Variants in PCTP observed in about 807,000 individuals in gnomAD.
PCTP encodes the protein START domain-containing protein 2.
PCTP carries 27 observed loss-of-function variants against 31.0 expected under a neutral mutation model. The observed-to-expected ratio is 0.87, with a 90% CI of 0.64 to 1.20. The LOEUF is 1.20. Ranked by LOEUF, PCTP falls within the 50% of genes most tolerant of loss-of-function variation. The pLI, the probability that PCTP is intolerant of heterozygous loss-of-function variation, is 0.00. For synonymous variants in PCTP, 108 were observed against 101.2 expected (o/e 1.07, Z -0.40); for missense variants, 287 against 268.2 (o/e 1.07, Z -0.49).
intron 1 of PCTP, 62 bp downstream of exon 1, chr17:55,751,306 A>C (rs1052207863): frequency 4.3e-5 from 66 of 1,517,714 alleles, no homozygotes; most frequent in Non-Finnish European, 5.6e-5. Context: ...ACCTCCCCGC[A>C]GGGAGTGCGG....
At chr17:55,829,917 T>C (rs1905539560) in intron 5 of PCTP, among the ~76,000 whole-genome samples, 1 of 152,210 alleles carries the variant, frequency 6.6e-6, no homozygotes, top group Non-Finnish European at 1.5e-5. Flanking sequence ...TGAAATGAGA[T>C]GTGAAATTGC....
chr17:55,783,761 TAC>T (rs945509090), intron 2 of PCTP, among the ~76,000 whole-genome samples: 31 of 152,302 alleles, frequency 2.0e-4, no homozygotes, highest in African/African-American at 7.5e-4. Flanking sequence ...CGCCCTTCAC[TAC>T]ACAGTTTGGC....
chr17:55,753,907 A>C (rs756556269), intron 1 of PCTP, among the ~76,000 whole-genome samples: 2 of 152,208 alleles, frequency 1.3e-5, no homozygotes, highest in Non-Finnish European at 2.9e-5. Flanking sequence ...TCTTTTTCTA[A>C]TAAAGCTTCC....
downstream of PCTP, among the ~76,000 whole-genome samples, chr17:55,781,293 T>C (rs79557970): frequency 0.027 from 4,141 of 152,356 alleles, 186 homozygotes; most frequent in African/African-American, 0.095. Flanking sequence ...TGCCTCAGGC[T>C]ACTCTTTTTG....
At chr17:55,780,555 A>G (rs879023746), downstream of PCTP, among the ~76,000 whole-genome samples, 1 of 152,230 alleles carries the variant, frequency 6.6e-6, no homozygotes, top group Non-Finnish European at 1.5e-5. Flanking sequence ...GCAGACTGCT[A>G]TAATTCCTGA....
rs146675734 is a variant in PCTP, at chr17:55,784,454, TAAC to T, written c.229-3108_229-3106del. On this transcript the variant is annotated intron_variant, in intron 2 of 3. Transcript: ENST00000572536. Reference sequence around the variant, plus strand: ...TCAACCAATTGCAGTGTAATAATAATAACAACCATAATAATAATAATATCAATG... The same window carrying T: ...TCAACCAATTGCAGTGTAATAATAATAACCATAATAATAATAATATCAATG... Among the ~76,000 whole-genome samples, 854 of 152,162 alleles carry T rather than the reference TAAC, an allele frequency of 5.6e-3. 19 individuals are homozygous for T. Among genetic ancestry groups the T allele is most frequent in the East Asian group, 0.055 (283 of 5,168 alleles).
intron 5 of PCTP, 57 bp from the exon 6 acceptor site, chr17:55,775,978 A>G: frequency 6.3e-7 from 1 of 1,594,356 alleles, no homozygotes; most frequent in Non-Finnish European, 8.5e-7. Flanking sequence ...CACATCCCAA[A>G]GAATCAAGAG....
chr17:55,834,619 C>G (rs148348815), intron 5 of PCTP, among the ~76,000 whole-genome samples: 230 of 152,198 alleles, frequency 1.5e-3, no homozygotes, highest in African/African-American at 4.9e-3. Flanking sequence ...CCTTTGGGAG[C>G]CCCATGCACA....
chr17:55,764,252 C>T (rs1355896743), intron 1 of PCTP, among the ~76,000 whole-genome samples: 1 of 152,148 alleles, frequency 6.6e-6, no homozygotes. Context: ...ATTCTTGTTG[C>T]TTAGAATGTG....
intron 3 of PCTP, among the ~76,000 whole-genome samples, chr17:55,802,177 A>G (rs1567725232): frequency 6.6e-6 from 1 of 152,210 alleles, no homozygotes; most frequent in African/African-American, 2.4e-5. Context: ...AAAATGTTAA[A>G]TCCCTGAATA....
At chr17:55,805,682 A>G (rs1055059410) in intron 3 of PCTP, among the ~76,000 whole-genome samples, 2 of 86,874 alleles carry the variant, frequency 2.3e-5, no homozygotes, top group African/African-American at 9.2e-5. Context: ...GACAAAACAC[A>G]CATTTAGTAA....
chr17:55,819,953 A>G (rs1329873491), intron 3 of PCTP, among the ~76,000 whole-genome samples: 1 of 152,202 alleles, frequency 6.6e-6, no homozygotes, highest in Non-Finnish European at 1.5e-5. Context: ...TGGTACTGAG[A>G]CAACCGGATA....
chr17:55,801,208 A>G (rs1912365999), intron 3 of PCTP, among the ~76,000 whole-genome samples: 1 of 152,196 alleles, frequency 6.6e-6, no homozygotes, highest in Non-Finnish European at 1.5e-5. Flanking sequence ...ACCCAGATGT[A>G]TAAAGCAAAT....
At chr17:55,758,088 C>A (rs541305227) in intron 1 of PCTP, among the ~76,000 whole-genome samples, 75 of 152,310 alleles carry the variant, frequency 4.9e-4, no homozygotes, top group African/African-American at 1.5e-3. Flanking sequence ...ATGCCATTAA[C>A]CACTGCCCAT....
intron 3 of PCTP, among the ~76,000 whole-genome samples, chr17:55,817,719 A>C (rs1912969957): frequency 6.6e-6 from 1 of 152,234 alleles, no homozygotes; most frequent in South Asian, 2.1e-4. Flanking sequence ...TCCTTGGTTT[A>C]GAATTCAGAT....
Position 55,764,092 on chromosome 17 carries a change from C to T in PCTP, c.142-3243C>T, listed in dbSNP as rs145289614. Among the ~76,000 whole-genome samples, 3 of 152,234 alleles carry T rather than the reference C, an allele frequency of 2.0e-5. No homozygotes were observed. The East Asian group carries it at 5.8e-4, about 29-fold the overall frequency. On this transcript the variant is annotated intron_variant, in intron 1 of 5. Coordinates refer to ENST00000268896, the MANE Select transcript of PCTP (RefSeq NM_021213.4). Reference sequence around the variant, plus strand: ...GAACTTCCTGTTCTCATTGTCTGTGCCATATAACAGGATGGAAGTCACTAT... The same window carrying T: ...GAACTTCCTGTTCTCATTGTCTGTGTCATATAACAGGATGGAAGTCACTAT...
intron 3 of PCTP, among the ~76,000 whole-genome samples, chr17:55,789,921 C>T (rs898873274): frequency 5.9e-5 from 9 of 152,068 alleles, no homozygotes; most frequent in African/African-American, 1.9e-4. Flanking sequence ...ACTGGCAAAC[C>T]GAATCCAGCA....
downstream of PCTP, among the ~76,000 whole-genome samples, chr17:55,843,455 G>T (rs1041308512): frequency 6.6e-6 from 1 of 152,128 alleles, no homozygotes; most frequent in Admixed American, 6.5e-5. Context: ...CCTTCCTGCT[G>T]CCAGAACAAC....
chr17:55,822,277 G>T (rs1913138875), intron 3 of PCTP, among the ~76,000 whole-genome samples: 2 of 152,328 alleles, frequency 1.3e-5, no homozygotes, highest in South Asian at 4.1e-4. Context: ...GTAATTAAGG[G>T]GAAAGGGGGA....
Sources: gnomAD v4.1 joint callset for allele counts (sites outside exome capture counted in the v4.1 genomes callset) on GRCh38, gnomAD v4.1.1 for gene constraint, MANE v1.5 for transcripts, NCBI Gene and HGNC (gene_info 2026-07-23, HGNC 2026-07-21) for gene names.